The following TERF1 variants were observed in gnomAD, a reference collection of about 807,000 sequenced individuals.
TERF1 encodes the protein telomeric repeat binding factor 1.
Under a neutral mutation model 55.1 loss-of-function variants are expected in TERF1, and 20 were observed. That is an observed-to-expected ratio of 0.36 (90% confidence interval 0.26 to 0.53). The LOEUF is 0.53. TERF1 is among the 20% of genes least tolerant of loss of function. The probability of loss-of-function intolerance (pLI) is 0.91; values close to 1 mark genes in which losing one functional copy is unlikely to be tolerated. For synonymous variants in TERF1, 168 were observed against 181.2 expected (o/e 0.93, Z 0.59); for missense variants, 439 against 535.7 (o/e 0.82, Z 1.78).
chr8:73,016,284 C>G (rs1274153156), intron 2 of TERF1, among the ~76,000 whole-genome samples: 6 of 145,582 alleles, frequency 4.1e-5, no homozygotes, highest in African/African-American at 1.3e-4. Context: ...TGGCTAGTAG[C>G]TACCATATTG....
intron 6 of TERF1, chr8:73,030,084 A>G (rs570917422): frequency 6.3e-6 from 2 of 319,606 alleles, no homozygotes; most frequent in East Asian, 9.8e-5. Flanking sequence ...TTTTTGAAAG[A>G]GTGTTATAAA....
chr8:73,030,270 G>T, intron 6 of TERF1, 66 bp from the exon 7 acceptor site: 1 of 1,022,210 alleles, frequency 9.8e-7, no homozygotes, highest in South Asian at 1.7e-5. Flanking sequence ...TGACTATGTG[G>T]AAAGTACTAT....
intron 9 of TERF1, among the ~76,000 whole-genome samples, chr8:73,040,949 C>G (rs1809809177): frequency 6.6e-6 from 1 of 152,056 alleles, no homozygotes; most frequent in South Asian, 2.1e-4. Flanking sequence ...CCCTTTGGTT[C>G]TTTCTTAGAG....
In TERF1 at chr8:73,047,517, A is replaced by G. The variant is rs539909018; in HGVS notation, c.*1380A>G. ...ACTAAACAATTTTGGTTTTTCACCAACATTTTATTCTTTAAAAGATTTAGA... is the reference window on the plus strand; with the variant it reads ...ACTAAACAATTTTGGTTTTTCACCAGCATTTTATTCTTTAAAAGATTTAGA... On this transcript the variant is annotated 3_prime_UTR_variant, in exon 10 of 10. Transcript: ENST00000276603. The G allele has an allele frequency of 6.6e-6, 1 of 152,340 alleles. No individual in the cohort carries two copies. Among genetic ancestry groups the G allele is most frequent in the Admixed American group, 6.5e-5 (1 of 15,302 alleles). The allele number at this position is 152,340 out of a possible 1,614,324, so 9.4% of individuals were successfully genotyped here.
rs760168252 is a variant in TERF1, at chr8:73,020,715, A to T, written c.447A>T (p.Thr149=). ...AGTTTGAAAATGATGAACGAATTACACCCTTGGAATCAGCCCTGATGATTT... is the reference window on the plus strand; with the variant it reads ...AGTTTGAAAATGATGAACGAATTACTCCCTTGGAATCAGCCCTGATGATTT... ...DAQFENDERI[T]PLESALMIWG... Residue 149 remains threonine, a synonymous_variant, in exon 3 of 10, where the codon ACA becomes ACT. Coordinates refer to ENST00000276603, the MANE Select transcript of TERF1 (RefSeq NM_017489.3). 30 of 1,604,164 alleles carry T rather than the reference A, an allele frequency of 1.9e-5. No individual in the cohort carries two copies. Among genetic ancestry groups the T allele is most frequent in the Middle Eastern group, 4.5e-4 (2 of 4,428 alleles).
chr8:73,026,298 G>T (rs1481657512), intron 5 of TERF1, among the ~76,000 whole-genome samples: 1 of 151,908 alleles, frequency 6.6e-6, no homozygotes, highest in East Asian at 1.9e-4. Context: ...AGGAGTTTGA[G>T]ACCAGCCTGG....
At position 73,025,745 on chromosome 8, in the gene TERF1, A is replaced by G. The variant is rs1268700862; in HGVS notation, c.774+774A>G. Among the ~76,000 whole-genome samples, 3 of 116,122 alleles carry G rather than the reference A, an allele frequency of 2.6e-5. No individual in the cohort carries two copies. The East Asian group carries it at 7.5e-4, about 29-fold the overall frequency. The allele number at this position is 116,122 out of a possible 152,430, so 76.2% of individuals were successfully genotyped here. A position where few individuals can be genotyped will look rare whatever the true frequency, so the allele number is the denominator to read the frequency against. The stretch of plus-strand genomic sequence containing the variant: ...GCACTCCAGCCTGGGCGACAGTGAG[A>G]CTCTGTCTCAAAAAAAAAAAAAAAA... On this transcript the variant is annotated intron_variant, in intron 5 of 9. Coordinates refer to ENST00000276603, the MANE Select transcript of TERF1 (RefSeq NM_017489.3).
intron 8 of TERF1, among the ~76,000 whole-genome samples, chr8:73,033,150 G>A (rs931776342): frequency 5.9e-5 from 9 of 151,834 alleles, no homozygotes; most frequent in African/African-American, 2.2e-4. Context: ...TGATAGGCCT[G>A]CAGTAAATAT....
At chr8:73,032,561 TG>T (rs1231573068) in intron 8 of TERF1, among the ~76,000 whole-genome samples, 1 of 149,190 alleles carries the variant, frequency 6.7e-6, no homozygotes, top group Non-Finnish European at 1.5e-5. Flanking sequence ...CTGGGAACCG[TG>T]GGTTTTCTAT....
At chr8:73,014,969 G>A (rs1342619073) in intron 2 of TERF1, among the ~76,000 whole-genome samples, 1 of 152,224 alleles carries the variant, frequency 6.6e-6, no homozygotes, top group East Asian at 1.9e-4. Flanking sequence ...TCCAGACCAT[G>A]CAGACTATAA....
chr8:73,022,811 G>A (rs1178313817), intron 4 of TERF1, among the ~76,000 whole-genome samples: 3 of 152,020 alleles, frequency 2.0e-5, no homozygotes, highest in Non-Finnish European at 2.9e-5. Context: ...AGCCAGGTGT[G>A]GTGGCGCAAT....
chr8:73,024,671 T>A (rs976248610), intron 4 of TERF1, 151 bp from the exon 5 acceptor site: 5 of 570,692 alleles, frequency 8.8e-6, no homozygotes, highest in Non-Finnish European at 1.2e-5. Flanking sequence ...AAAAGGTACA[T>A]TGGCATGCCA....
intron 8 of TERF1, among the ~76,000 whole-genome samples, chr8:73,036,065 A>G (rs904209825): frequency 6.6e-6 from 1 of 152,242 alleles, no homozygotes; most frequent in Non-Finnish European, 1.5e-5. Context: ...CCCTACCCCA[A>G]GTCCGGTGGA....
chr8:73,036,103 C>T (rs965193552), intron 8 of TERF1, among the ~76,000 whole-genome samples: 12 of 152,220 alleles, frequency 7.9e-5, no homozygotes, highest in African/African-American at 2.4e-4. Flanking sequence ...ATGGATGCTG[C>T]GAAGGCAGTA....
chr8:73,035,799 A>G, intron 8 of TERF1, among the ~76,000 whole-genome samples: 1 of 152,158 alleles, frequency 6.6e-6, no homozygotes, highest in East Asian at 1.9e-4. Context: ...TATATATGTC[A>G]AAATCCCATA....
chr8:73,030,053 A>G, intron 6 of TERF1: 2 of 254,678 alleles, frequency 7.9e-6, no homozygotes, highest in Non-Finnish European at 1.5e-5. Context: ...GAATTCATGG[A>G]AATAAAGTGC....
chr8:73,023,302 T>C (rs1273729725), intron 4 of TERF1, among the ~76,000 whole-genome samples: 2 of 152,246 alleles, frequency 1.3e-5, no homozygotes, highest in African/African-American at 4.8e-5. Context: ...GTATCTGGGT[T>C]TTCATTTTAG....
intron 8 of TERF1, 93 bp downstream of exon 8, chr8:73,032,226 C>T (rs549822039): frequency 1.2e-6 from 1 of 832,768 alleles, no homozygotes; most frequent in South Asian, 1.8e-5. Flanking sequence ...AAAAAACACA[C>T]ACTTCAGAAA....
At chr8:73,022,133 G>C (rs1243073163) in intron 3 of TERF1, 83 bp from the exon 4 acceptor site, 1 of 785,982 alleles carries the variant, frequency 1.3e-6, no homozygotes, top group Admixed American at 2.9e-5. Flanking sequence ...GAGGATTTCA[G>C]ACTTACCTGA....
Sources: gnomAD v4.1 joint callset for allele counts (sites outside exome capture counted in the v4.1 genomes callset) on GRCh38, gnomAD v4.1.1 for gene constraint, MANE v1.5 for transcripts, NCBI Gene and HGNC (gene_info 2026-07-23, HGNC 2026-07-21) for gene names.